Variants in TTC27 observed in about 807,000 individuals in gnomAD.
TTC27 encodes the protein tetratricopeptide repeat protein 27.
A neutral mutation model predicts 115.9 loss-of-function variants in TTC27; 79 were observed. The ratio of observed to expected loss-of-function variants is 0.68; its 90% CI spans 0.57 to 0.82. TTC27 has a LOEUF of 0.82. TTC27 is among the 40% of genes least tolerant of loss of function. TTC27 has a pLI of 0.00. For missense variants in TTC27, 1,054 were observed against 993.1 expected (o/e 1.06, Z -0.82); for synonymous variants, 401 against 356.0 (o/e 1.13, Z -1.42).
At chr2:32,657,575 C>T in intron 5 of TTC27, among the ~76,000 whole-genome samples, 1 of 151,676 alleles carries the variant, frequency 6.6e-6, no homozygotes, top group Non-Finnish European at 1.5e-5. Context: ...TTTTTCAGAC[C>T]CATTTAAATT....
chr2:32,633,686 G>A (rs1664301863), intron 2 of TTC27, among the ~76,000 whole-genome samples, 190 bp from the exon 3 acceptor site: 1 of 152,100 alleles, frequency 6.6e-6, no homozygotes, highest in South Asian at 2.1e-4. Context: ...TTACAGGCAT[G>A]AACCACTGTG....
intron 10 of TTC27, among the ~76,000 whole-genome samples, chr2:32,709,202 C>T (rs1425351124): frequency 1.3e-5 from 2 of 151,922 alleles, no homozygotes; most frequent in African/African-American, 4.8e-5. Flanking sequence ...AAATATATGC[C>T]CCTCCAAGAG....
At chr2:32,671,883 C>G (rs1435185920) in intron 7 of TTC27, among the ~76,000 whole-genome samples, 1 of 152,156 alleles carries the variant, frequency 6.6e-6, no homozygotes, top group Non-Finnish European at 1.5e-5. Flanking sequence ...TGAGTGTGAT[C>G]TTGGATGAGC....
At chr2:32,675,791 T>G (rs1010281714) in intron 8 of TTC27, among the ~76,000 whole-genome samples, 5 of 151,936 alleles carry the variant, frequency 3.3e-5, no homozygotes, top group Admixed American at 6.6e-5. Flanking sequence ...AATTCTTTTT[T>G]TTTTGTTTTG....
intron 2 of TTC27, among the ~76,000 whole-genome samples, chr2:32,632,163 T>C (rs1302902482): frequency 1.5e-5 from 2 of 131,884 alleles, no homozygotes; most frequent in Non-Finnish European, 3.2e-5. Flanking sequence ...GGTATCATTC[T>C]TTTTTTTTTT....
chr2:32,721,665 A>C (rs1667932208), intron 10 of TTC27, among the ~76,000 whole-genome samples: 1 of 139,448 alleles, frequency 7.2e-6, no homozygotes, highest in African/African-American at 2.7e-5. Context: ...TTGCTGTGTC[A>C]CCCAGGCTGG....
intron 16 of TTC27, among the ~76,000 whole-genome samples, chr2:32,799,501 A>T (rs116640061): frequency 0.031 from 4,682 of 152,338 alleles, 111 homozygotes; most frequent in Admixed American, 0.064. Flanking sequence ...AACTCCAGAT[A>T]GACTAAATCT....
At chr2:32,756,617 G>T (rs1335459942) in intron 12 of TTC27, among the ~76,000 whole-genome samples, 1 of 152,184 alleles carries the variant, frequency 6.6e-6, no homozygotes, top group Admixed American at 6.5e-5. Context: ...ACAAAAATTA[G>T]ACTGCTTAAG....
chr2:32,754,352 G>A (rs1479778040), intron 12 of TTC27, among the ~76,000 whole-genome samples: 1 of 148,938 alleles, frequency 6.7e-6, no homozygotes, highest in Non-Finnish European at 1.5e-5. Context: ...GACTCTTAAC[G>A]AGCATGCTGC....
chr2:32,690,864 A>G (rs956294394), intron 9 of TTC27, among the ~76,000 whole-genome samples: 2 of 152,216 alleles, frequency 1.3e-5, no homozygotes, highest in Non-Finnish European at 2.9e-5. Flanking sequence ...AAGCGGGGAT[A>G]GTTCTGCTTT....
chr2:32,652,769 T>G (rs1325313350), intron 5 of TTC27, among the ~76,000 whole-genome samples: 1 of 152,230 alleles, frequency 6.6e-6, no homozygotes, highest in African/African-American at 2.4e-5. Context: ...ATGTAATAAC[T>G]GAAATACGAT....
intron 9 of TTC27, among the ~76,000 whole-genome samples, chr2:32,687,723 A>G (rs1343609528): frequency 2.0e-5 from 3 of 152,234 alleles, no homozygotes; most frequent in Admixed American, 6.5e-5. Flanking sequence ...GGACAACTTT[A>G]TAATAATAAA....
intron 10 of TTC27, among the ~76,000 whole-genome samples, chr2:32,725,953 T>TTGAGGCTTGCACCCTCTGAAGCCA (rs141170290): frequency 0.32 from 48,337 of 151,566 alleles, 8,416 homozygotes; most frequent in Non-Finnish European, 0.38. Context: ...GGCTTGAGGC[T>TTGAGGCTTGCACCCTCTGAAGCCA]TGAGGCTTGC....
chr2:32,758,072 G>A (rs182901952), intron 12 of TTC27, among the ~76,000 whole-genome samples: 248 of 152,240 alleles, frequency 1.6e-3, no homozygotes, highest in African/African-American at 5.1e-3. Context: ...TCACTTTATT[G>A]CAGTGGTCTG....
At chr2:32,715,957 G>GTGTTTTGTTTTTTTATACTA (rs58988781) in intron 10 of TTC27, among the ~76,000 whole-genome samples, 1 of 151,526 alleles carries the variant, frequency 6.6e-6, no homozygotes, top group Non-Finnish European at 1.5e-5. Flanking sequence ...GTAGTGAAGT[G>GTGTTTTGTTTTTTTATACTA]TGTCACTGTT....
At chr2:32,708,869 T>C (rs545342749) in intron 10 of TTC27, among the ~76,000 whole-genome samples, 1 of 152,280 alleles carries the variant, frequency 6.6e-6, no homozygotes, top group African/African-American at 2.4e-5. Flanking sequence ...CTGTTGGGTA[T>C]ATAATACATA....
At chr2:32,776,948 A>G (rs1333493200) in intron 13 of TTC27, among the ~76,000 whole-genome samples, 2 of 152,092 alleles carry the variant, frequency 1.3e-5, no homozygotes, top group Non-Finnish European at 2.9e-5. Flanking sequence ...GACAGAGGCT[A>G]TTGAATTTTA....
At chr2:32,672,503 C>A in intron 8 of TTC27, 119 bp downstream of exon 8, 2 of 675,104 alleles carry the variant, frequency 3.0e-6, no homozygotes, top group Non-Finnish European at 5.1e-6. Flanking sequence ...TTTTGTAGTG[C>A]TTATGAAGAT....
intron 10 of TTC27, among the ~76,000 whole-genome samples, chr2:32,718,660 C>T (rs1325829794): frequency 6.6e-6 from 1 of 152,052 alleles, no homozygotes; most frequent in East Asian, 1.9e-4. Context: ...TGATAGTTAG[C>T]ACAAGTCCCC....
Sources: gnomAD v4.1 joint callset for allele counts (sites outside exome capture counted in the v4.1 genomes callset) on GRCh38, gnomAD v4.1.1 for gene constraint, MANE v1.5 for transcripts, NCBI Gene and HGNC (gene_info 2026-07-23, HGNC 2026-07-21) for gene names.